The following LYRM4 variants were observed in gnomAD, a reference collection of about 807,000 sequenced individuals.
LYRM4 encodes LYR motif containing 4.
In LYRM4, 9 loss-of-function variants were observed where a neutral mutation model predicts 11.7. The ratio of observed to expected loss-of-function variants is 0.77; its 90% CI spans 0.46 to 1.34. LYRM4 has a LOEUF of 1.34. Ranked by LOEUF, LYRM4 falls within the 40% of genes most tolerant of loss-of-function variation. The pLI is 0.00. For synonymous variants in LYRM4, 42 were observed against 40.4 expected, an observed-to-expected ratio of 1.04 and a Z score of -0.15; for missense variants, 133 against 112.5, an observed-to-expected ratio of 1.18 and a Z score of -0.82.
intron 2 of LYRM4, among the ~76,000 whole-genome samples, chr6:5,162,031 G>A (rs1251279918): frequency 6.6e-6 from 1 of 152,146 alleles, no homozygotes; most frequent in African/African-American, 2.4e-5. Context: ...GAAAAAAAGT[G>A]TAAAAAGAAC....
At chr6:5,163,515 T>A (rs1027033775) in intron 2 of LYRM4, among the ~76,000 whole-genome samples, 5 of 151,338 alleles carry the variant, frequency 3.3e-5, no homozygotes, top group Non-Finnish European at 5.9e-5. Flanking sequence ...TTTTTTTTTT[T>A]AAGAATTCCT....
chr6:5,130,040 A>G (rs1007713289), intron 2 of LYRM4, among the ~76,000 whole-genome samples: 2 of 152,270 alleles, frequency 1.3e-5, no homozygotes, highest in Non-Finnish European at 2.9e-5. Flanking sequence ...AGCTCTGGCT[A>G]CAAAAACTAA....
intron 2 of LYRM4, among the ~76,000 whole-genome samples, chr6:5,158,998 C>A (rs917542066): frequency 1.3e-5 from 2 of 152,188 alleles, no homozygotes; most frequent in African/African-American, 2.4e-5. Context: ...TGAAGGTGGA[C>A]CTCGGCTGGG....
At chr6:5,250,752 A>G (rs1409218820) in intron 1 of LYRM4, among the ~76,000 whole-genome samples, 1 of 152,220 alleles carries the variant, frequency 6.6e-6, no homozygotes, top group African/African-American at 2.4e-5. Flanking sequence ...AACAACTTAG[A>G]AAATTTTACA....
intron 2 of LYRM4, among the ~76,000 whole-genome samples, chr6:5,116,235 C>G (rs1314494534): frequency 6.6e-6 from 1 of 152,038 alleles, no homozygotes; most frequent in African/African-American, 2.4e-5. Flanking sequence ...CCATTTACTG[C>G]AAAAAGAATG....
intron 2 of LYRM4, chr6:5,148,291 G>C (rs370846725): frequency 6.5e-6 from 1 of 154,746 alleles, no homozygotes; most frequent in African/African-American, 2.4e-5. Context: ...AGTGGGTACC[G>C]AGTCTCCATC....
At chr6:5,187,612 G>C (rs2127686769) in intron 2 of LYRM4, among the ~76,000 whole-genome samples, 1 of 152,242 alleles carries the variant, frequency 6.6e-6, no homozygotes, top group Non-Finnish European at 1.5e-5. Flanking sequence ...CGGGGGGTTG[G>C]GGGCTGGGGG....
At chr6:5,169,937 G>A (rs943029601) in intron 2 of LYRM4, among the ~76,000 whole-genome samples, 1 of 152,214 alleles carries the variant, frequency 6.6e-6, no homozygotes, top group African/African-American at 2.4e-5. Context: ...CAAAGGTGCC[G>A]TGGAGGGGTA....
chr6:5,099,411 A>ATCTT (rs1469624276), downstream of LYRM4, among the ~76,000 whole-genome samples: 1 of 151,224 alleles, frequency 6.6e-6, no homozygotes, highest in Non-Finnish European at 1.5e-5. The surrounding 1 kb of genome is among the most constrained non-coding windows in gnomAD (Gnocchi z 4.3). Flanking sequence ...CTATCTATCT[A>ATCTT]TCTATCTATC....
chr6:5,140,000 G>A (rs528346207), intron 2 of LYRM4, among the ~76,000 whole-genome samples: 1 of 151,642 alleles, frequency 6.6e-6, no homozygotes, highest in South Asian at 2.1e-4. Context: ...TTCCCAGGCT[G>A]AGGCAGGTGG....
intron 1 of LYRM4, among the ~76,000 whole-genome samples, chr6:5,222,939 G>C (rs1223356289): frequency 1.3e-5 from 2 of 152,268 alleles, no homozygotes; most frequent in Admixed American, 6.5e-5. Flanking sequence ...GGGCAAAGGT[G>C]TATAACCTAT....
chr6:5,092,433 C>T, the LYRM4 span, among the ~76,000 whole-genome samples: 3 of 152,060 alleles, frequency 2.0e-5, no homozygotes, highest in East Asian at 1.9e-4. Flanking sequence ...AAAAAATGGC[C>T]GGGTGTGGTG....
intron 2 of LYRM4, among the ~76,000 whole-genome samples, chr6:5,175,928 T>C (rs1435654289): frequency 6.6e-6 from 1 of 152,130 alleles, no homozygotes; most frequent in Non-Finnish European, 1.5e-5. Context: ...TGTCTCCGGG[T>C]GATTCCAAAC....
intron 2 of LYRM4, chr6:5,186,946 T>G (rs1760434848): frequency 2.0e-6 from 1 of 509,544 alleles, no homozygotes; most frequent in Admixed American, 6.3e-5. Context: ...ATCGTTCCAA[T>G]GCACTCCAGC....
At chr6:5,091,657 C>T in the LYRM4 span, among the ~76,000 whole-genome samples, 1 of 152,212 alleles carries the variant, frequency 6.6e-6, no homozygotes, top group Non-Finnish European at 1.5e-5. Flanking sequence ...TGGCAAAGAT[C>T]AAGGGCTTCC....
At chr6:5,182,534 T>C (rs1274363372) in intron 2 of LYRM4, among the ~76,000 whole-genome samples, 6 of 152,254 alleles carry the variant, frequency 3.9e-5, no homozygotes, top group Admixed American at 3.3e-4. Flanking sequence ...AGAATAAACT[T>C]ATACATGGTC....
At chr6:5,219,300 T>C (rs1762448446) in intron 1 of LYRM4, among the ~76,000 whole-genome samples, 2 of 152,238 alleles carry the variant, frequency 1.3e-5, no homozygotes, top group South Asian at 4.1e-4. Context: ...TATTCTGCTA[T>C]GTATACTTGT....
chr6:5,054,731 G>A, the LYRM4 span, among the ~76,000 whole-genome samples: 5 of 152,120 alleles, frequency 3.3e-5, no homozygotes, highest in South Asian at 2.1e-4. Context: ...GAGTTTAGAC[G>A]TGACTGACCA....
At chr6:5,218,097 G>A (rs768830302) in intron 1 of LYRM4, 23 of 338,930 alleles carry the variant, frequency 6.8e-5, no homozygotes, top group Non-Finnish European at 5.0e-5. Flanking sequence ...TTGGGGGATG[G>A]GGACTTGCTG....
Sources: allele counts gnomAD v4.1 joint callset (sites outside exome capture counted in the v4.1 genomes callset), GRCh38; gene constraint gnomAD v4.1.1; non-coding constraint Gnocchi (gnomAD v3.1); transcripts MANE v1.5; gene names NCBI Gene and HGNC (gene_info 2026-07-23, HGNC 2026-07-21).